The following ZNF611 variants were observed in gnomAD, a reference collection of about 807,000 sequenced individuals.
The protein encoded by ZNF611 is zinc finger protein 611.
In ZNF611, 6 loss-of-function variants were observed where a neutral mutation model predicts 8.9. The observed-to-expected ratio is 0.68, with a 90% CI of 0.37 to 1.34. ZNF611 has a LOEUF of 1.34. ZNF611 is among the 40% of genes most tolerant of loss of function. ZNF611 has a pLI of 0.02. For missense variants in ZNF611, 874 were observed against 841.3 expected, an observed-to-expected ratio of 1.04 and a Z score of -0.48; for synonymous variants, 262 against 279.7, an observed-to-expected ratio of 0.94 and a Z score of 0.63.
chr19:52,707,779 C>T (rs919585149), intron 5 of ZNF611, among the ~76,000 whole-genome samples: 17 of 151,764 alleles, frequency 1.1e-4, no homozygotes, highest in African/African-American at 4.1e-4. Context: ...GGACTACAGG[C>T]ATGCACCACT....
chr19:52,719,357 AC>A (rs1216709026), intron 3 of ZNF611, among the ~76,000 whole-genome samples: 3 of 151,496 alleles, frequency 2.0e-5, no homozygotes. Context: ...CCCACTCCCC[AC>A]CCCAGCCATG....
At position 52,706,665 on chromosome 19, in the gene ZNF611, T is replaced by C; in HGVS notation, c.390A>G (p.Thr130=). ...TGCTACCAGTCAACTTTTTTATTTT[T>C]GTCATGGGTGCTTCAAGGCCATTTC... ...DERNGLEAPM[T]KIKKLTGSTD... Residue 130 remains threonine, a synonymous_variant, in exon 6 of 6, where the codon ACA becomes ACG. Transcript: ENST00000652185. 1 of 1,613,898 alleles carries C rather than the reference T, an allele frequency of 6.2e-7. No individual in the cohort carries two copies. The highest frequency in any genetic ancestry group is 8.5e-7 in the Non-Finnish European group (1 of 1,179,940).
intron 5 of ZNF611, chr19:52,708,061 GTACATT>G (rs1209502247): frequency 2.0e-5 from 3 of 151,986 alleles, no homozygotes; most frequent in Non-Finnish European, 2.9e-5. Context: ...AAGCAAATAA[GTACATT>G]TATACAGCCT....
chr19:52,715,681 A>G, intron 4 of ZNF611, 151 bp downstream of exon 4: 4 of 1,251,480 alleles, frequency 3.2e-6, no homozygotes, highest in Non-Finnish European at 3.3e-6. Flanking sequence ...GGAATCTCAG[A>G]GCAGCTGAGA....
At chr19:52,710,712 G>T (rs1208866592) in intron 5 of ZNF611, among the ~76,000 whole-genome samples, 1 of 152,146 alleles carries the variant, frequency 6.6e-6, no homozygotes, top group Non-Finnish European at 1.5e-5. Flanking sequence ...AGACAGGAAA[G>T]GGGGCATCTC....
chr19:52,723,627 G>GA (rs1347580021), intron 3 of ZNF611: 8 of 151,330 alleles, frequency 5.3e-5, no homozygotes, highest in African/African-American at 2.0e-4. Flanking sequence ...ACTGAGAAAA[G>GA]AAATAAGACA....
intron 3 of ZNF611, 167 bp from the exon 4 acceptor site, chr19:52,716,080 T>G (rs2062315352): frequency 5.4e-6 from 4 of 736,010 alleles, no homozygotes; most frequent in Middle Eastern, 3.0e-4. Context: ...GACCTATGAG[T>G]GTATATTTGA....
At chr19:52,720,065 T>A (rs998547034) in intron 3 of ZNF611, among the ~76,000 whole-genome samples, 1 of 147,480 alleles carries the variant, frequency 6.8e-6, no homozygotes, top group African/African-American at 2.5e-5. Flanking sequence ...CACAGCACGT[T>A]TCAGAGAGCA....
rs1247473148 is a variant in ZNF611, at chr19:52,710,294, A to G, written c.191-3430T>C. Among the ~76,000 whole-genome samples, 3 of 151,126 alleles carry G rather than the reference A, an allele frequency of 2.0e-5. No homozygotes were observed. The East Asian group carries it at 5.8e-4, about 29-fold the overall frequency. Reference sequence around the variant, plus strand: ...CACCCGGGATGGAGTAAGTGGTGCAATCATGGCTCACTGCAACATCCAACT... The same window carrying G: ...CACCCGGGATGGAGTAAGTGGTGCAGTCATGGCTCACTGCAACATCCAACT... On this transcript the variant is annotated intron_variant, in intron 5 of 5. Coordinates refer to ENST00000652185, the MANE Select transcript of ZNF611 (RefSeq NM_001161499.2).
intron 5 of ZNF611, among the ~76,000 whole-genome samples, chr19:52,712,024 T>A (rs959823591): frequency 6.6e-6 from 1 of 152,162 alleles, no homozygotes; most frequent in South Asian, 2.1e-4. Flanking sequence ...TGGTAACATA[T>A]TGACCCAAGG....
intron 1 of ZNF611, among the ~76,000 whole-genome samples, chr19:52,732,225 G>A (rs946671074): frequency 3.3e-5 from 5 of 151,438 alleles, no homozygotes; most frequent in South Asian, 2.1e-4. Context: ...AGCTGAGATC[G>A]TGCCACTGCA....
chr19:52,712,459 A>T (rs2062286673), intron 5 of ZNF611, among the ~76,000 whole-genome samples: 1 of 66,500 alleles, frequency 1.5e-5, no homozygotes, highest in African/African-American at 7.7e-5. Context: ...TCTCTACTAA[A>T]AAAAAAAAAA....
intron 4 of ZNF611, among the ~76,000 whole-genome samples, chr19:52,714,525 T>TA (rs957102707): frequency 2.6e-5 from 4 of 150,950 alleles, no homozygotes; most frequent in Admixed American, 2.0e-4. Context: ...CTGTCTCTCC[T>TA]AAAAATATAA....
intron 3 of ZNF611, chr19:52,716,206 G>C (rs1175780393): frequency 1.0e-5 from 3 of 288,998 alleles, no homozygotes; most frequent in Non-Finnish European, 2.0e-5. Context: ...TTCATCAATT[G>C]CCATCCAGAG....
At chr19:52,725,373 A>G (rs2147443157) in intron 3 of ZNF611, among the ~76,000 whole-genome samples, 1 of 152,294 alleles carries the variant, frequency 6.6e-6, no homozygotes, top group South Asian at 2.1e-4. Flanking sequence ...GCTGCGCTCC[A>G]GGGGAGGCCG....
chr19:52,721,751 G>C (rs906442825), intron 3 of ZNF611, among the ~76,000 whole-genome samples: 1 of 151,924 alleles, frequency 6.6e-6, no homozygotes, highest in African/African-American at 2.4e-5. Context: ...GGGAGAGAGA[G>C]AGGGAGAGGG....
At chr19:52,711,500 A>G (rs1449179548) in intron 5 of ZNF611, among the ~76,000 whole-genome samples, 1 of 152,176 alleles carries the variant, frequency 6.6e-6, no homozygotes, top group Non-Finnish European at 1.5e-5. Flanking sequence ...GAAGGATCCC[A>G]CGACATGTTC....
rs368385661 is a variant in ZNF611 at position 52,719,417 on chromosome 19, T to A, written c.-19-3504A>T. On this transcript the variant is annotated intron_variant, in intron 3 of 5. Coordinates refer to ENST00000652185, the MANE Select transcript of ZNF611 (RefSeq NM_001161499.2). ...ACTAACGAGTCAAGTCACTGTCCTCTGGCTGAAGAGGGGTTGCAGAGGGAA... is the reference window on the plus strand; with the variant it reads ...ACTAACGAGTCAAGTCACTGTCCTCAGGCTGAAGAGGGGTTGCAGAGGGAA... Among the ~76,000 whole-genome samples the A allele has an allele frequency of 5.3e-4, 80 of 152,312 alleles. 1 individual carries two copies. Among genetic ancestry groups the A allele is most frequent in the African/African-American group, 1.9e-3 (79 of 41,554 alleles).
chr19:52,704,269 G>C lies in ZNF611; in HGVS notation c.*668C>G, dbSNP rs2062224512. 1.0e-5 allele frequency: 5 copies of C among 500,220 alleles called. No individual in the cohort carries two copies. The highest frequency in any genetic ancestry group is 2.4e-5 in the Admixed American group (1 of 41,790). 31.0% of individuals were successfully genotyped at this position (500,220 alleles called of 1,614,324 possible). A position where few individuals can be genotyped will look rare whatever the true frequency, so the allele number is the denominator to read the frequency against. The stretch of plus-strand genomic sequence containing the variant: ...TGGTTTGCTATACTCATTTCATTGG[G>C]AACGGTTATCTCAAAAATGAATTTT... On this transcript the variant is annotated 3_prime_UTR_variant, in exon 6 of 6. Transcript: ENST00000652185.
Sources: allele counts gnomAD v4.1 joint callset (sites outside exome capture counted in the v4.1 genomes callset), GRCh38; gene constraint gnomAD v4.1.1; transcripts MANE v1.5; gene names NCBI Gene and HGNC (gene_info 2026-07-23, HGNC 2026-07-21).